Variants in FSD1L observed in about 807,000 individuals in gnomAD.
The protein encoded by FSD1L is fibronectin type III and SPRY domain containing 1 like.
Under a neutral mutation model 71.6 loss-of-function variants are expected in FSD1L, and 45 were observed. The ratio of observed to expected loss-of-function variants is 0.63; its 90% CI spans 0.49 to 0.81. FSD1L has a LOEUF of 0.81. FSD1L is among the 30% of genes least tolerant of loss of function. The pLI, the probability that FSD1L is intolerant of heterozygous loss-of-function variation, is 0.00. For synonymous variants in FSD1L, 197 were observed against 207.2 expected (o/e 0.95, Z 0.42); for missense variants, 561 against 618.1 (o/e 0.91, Z 0.98).
intron 10 of FSD1L, chr9:105,520,007 C>T (rs889278455): frequency 4.6e-5 from 66 of 1,428,090 alleles, no homozygotes; most frequent in Non-Finnish European, 5.2e-5. Context: ...TGCCCTGGCC[C>T]GCAAGGCTGG....
At position 105,525,021 on chromosome 9, in the gene FSD1L, C is replaced by A. The variant is rs953447032; in HGVS notation, c.1026-9472C>A. On this transcript the variant is annotated intron_variant, in intron 10 of 13. Transcript: ENST00000481272. ...GGAGGTTTATCTGCTGGCCTTGCAT[C>A]AGCCAATTCAAATGTCAGAATCATA... 69 of 1,571,874 alleles carry A rather than the reference C, an allele frequency of 4.4e-5. 1 individual carries two copies. In the Admixed American group the frequency reaches 8.8e-4, roughly 20 times the overall value.
chr9:105,542,615 G>A (rs965501961), intron 13 of FSD1L, among the ~76,000 whole-genome samples: 3 of 151,902 alleles, frequency 2.0e-5, no homozygotes, highest in Admixed American at 6.6e-5. Flanking sequence ...CACCATACCC[G>A]GCTATTTAAA....
intron 3 of FSD1L, among the ~76,000 whole-genome samples, chr9:105,464,804 C>T (rs1242530141): frequency 6.6e-6 from 1 of 150,786 alleles, no homozygotes; most frequent in Non-Finnish European, 1.5e-5. Context: ...GACACCGTCT[C>T]TACCAAAAAA....
At chr9:105,538,193 C>T (rs1836383938) in intron 12 of FSD1L, among the ~76,000 whole-genome samples, 1 of 152,136 alleles carries the variant, frequency 6.6e-6, no homozygotes, top group Non-Finnish European at 1.5e-5. Context: ...GAAGATTGTA[C>T]AGGACAATAT....
chr9:105,514,113 G>C lies in FSD1L; in HGVS notation c.1025+1177G>C, dbSNP rs115462663. Among the ~76,000 whole-genome samples, 17 of 152,268 alleles carry C rather than the reference G, an allele frequency of 1.1e-4. 1 individual carries two copies. Among genetic ancestry groups the C allele is most frequent in the African/African-American group, 3.6e-4 (15 of 41,560 alleles). Reference sequence around the variant, plus strand: ...TCAAGACAGTTCCAGAAAGATGAATGGTTTCAATTTGCATGAGTAATAATG... The same window carrying C: ...TCAAGACAGTTCCAGAAAGATGAATCGTTTCAATTTGCATGAGTAATAATG... On this transcript the variant is annotated intron_variant, in intron 10 of 13. Coordinates refer to ENST00000481272, the MANE Select transcript of FSD1L (RefSeq NM_001145313.3).
chr9:105,452,388 G>GA (rs970448108), intron 1 of FSD1L, among the ~76,000 whole-genome samples: 1 of 152,180 alleles, frequency 6.6e-6, no homozygotes, highest in Non-Finnish European at 1.5e-5. Context: ...CACTGTTAGG[G>GA]AAAATGAAGC....
chr9:105,461,159 G>A (rs1402170771), intron 1 of FSD1L, among the ~76,000 whole-genome samples: 2 of 152,116 alleles, frequency 1.3e-5, no homozygotes, highest in Admixed American at 6.5e-5. Context: ...AAATTAATAA[G>A]ATTAATAGAG....
rs117449015 is a variant in FSD1L at position 105,499,143 on chromosome 9, A to G, written c.587-7256A>G. On this transcript the variant is annotated intron_variant, in intron 7 of 13. Coordinates refer to ENST00000481272, the MANE Select transcript of FSD1L (RefSeq NM_001145313.3). ...TGGTTGAAGTAGTCTGTAGATATCAATTACATGCAGTTGATTGATGGAGTT... is the reference window on the plus strand; with the variant it reads ...TGGTTGAAGTAGTCTGTAGATATCAGTTACATGCAGTTGATTGATGGAGTT... Among the ~76,000 whole-genome samples, 1,219 of 152,298 alleles carry G rather than the reference A, an allele frequency of 8.0e-3. 11 individuals are homozygous for G. Among genetic ancestry groups the G allele is most frequent in the Middle Eastern group, 0.02 (6 of 294 alleles).
chr9:105,539,920 T>G (rs1836499642), intron 13 of FSD1L, among the ~76,000 whole-genome samples: 1 of 152,126 alleles, frequency 6.6e-6, no homozygotes, highest in African/African-American at 2.4e-5. Context: ...GGTTTCCATT[T>G]GGGGGCTATA....
upstream of FSD1L, among the ~76,000 whole-genome samples, chr9:105,446,773 C>T (rs943276643): frequency 5.4e-5 from 8 of 148,552 alleles, no homozygotes; most frequent in African/African-American, 2.0e-4. Flanking sequence ...AGAAACAGGG[C>T]CTTGCCCACT....
At chr9:105,471,867 C>T in intron 4 of FSD1L, 37 bp from the exon 5 acceptor site, 1 of 872,466 alleles carries the variant, frequency 1.1e-6, no homozygotes, top group East Asian at 3.3e-5. Context: ...TAGGAAACTT[C>T]ATTTTAATGA....
At chr9:105,528,869 T>C (rs1454371788) in intron 10 of FSD1L, among the ~76,000 whole-genome samples, 1 of 152,202 alleles carries the variant, frequency 6.6e-6, no homozygotes, top group East Asian at 1.9e-4. Flanking sequence ...AGAAAATTTT[T>C]GCAATCTATC....
At chr9:105,521,812 T>TA in intron 10 of FSD1L, 2 of 1,612,500 alleles carry the variant, frequency 1.2e-6, no homozygotes, top group Non-Finnish European at 1.7e-6. Flanking sequence ...GAACAAAACA[T>TA]ACGAGCTGGT....
rs1834200567 is a variant in FSD1L, at chr9:105,508,488, CTT to C, written c.797-126_797-125del. On this transcript the variant is annotated intron_variant, in intron 8 of 13. Coordinates refer to ENST00000481272, the MANE Select transcript of FSD1L (RefSeq NM_001145313.3). ...CACTGCGCCTGGCCCACATACCACT[CTT>C]TTAACAAATTCATACTCTTCCTGAA... 28 of 609,648 alleles carry C rather than the reference CTT, an allele frequency of 4.6e-5. 1 individual carries two copies. The highest frequency in any genetic ancestry group is 4.5e-4 in the South Asian group (27 of 60,330). 37.8% of individuals were successfully genotyped at this position (609,648 alleles called of 1,614,324 possible).
intron 13 of FSD1L, among the ~76,000 whole-genome samples, chr9:105,542,597 G>A (rs940669135): frequency 3.1e-4 from 47 of 151,996 alleles, no homozygotes; most frequent in African/African-American, 1.0e-3. Context: ...GGGATTACAG[G>A]TGCCCACCAC....
At chr9:105,456,484 T>A (rs1830364102) in intron 1 of FSD1L, among the ~76,000 whole-genome samples, 1 of 152,268 alleles carries the variant, frequency 6.6e-6, no homozygotes, top group Non-Finnish European at 1.5e-5. Context: ...ACTTGATTGA[T>A]AATGATTATA....
Position 105,461,528 on chromosome 9 carries a change from T to A in FSD1L, c.24T>A (p.Phe8Leu). 9 of 1,548,720 alleles carry A rather than the reference T, an allele frequency of 5.8e-6. No individual in the cohort carries two copies. Among genetic ancestry groups the A allele is most frequent in the Non-Finnish European group, 7.9e-6 (9 of 1,144,306 alleles). Residue 8 changes from phenylalanine (F) to leucine (L), a missense_variant, in exon 2 of 14, where the codon TTT becomes TTA. Transcript: ENST00000481272. ...GTATTTATATTGGACAGTACTGCTTTAAGGAGAATGAAAACGTTACAGTTG... is the reference window on the plus strand; with the variant it reads ...GTATTTATATTGGACAGTACTGCTTAAAGGAGAATGAAAACGTTACAGTTG... Reference protein sequence around the residue: MDSQKYCFKENENVTVDK... With the variant: MDSQKYCLKENENVTVDK...
chr9:105,482,948 A>AT (rs1832308676), intron 6 of FSD1L, among the ~76,000 whole-genome samples: 1 of 152,202 alleles, frequency 6.6e-6, no homozygotes, highest in Non-Finnish European at 1.5e-5. Flanking sequence ...TGATTCAGTG[A>AT]GCATTTAGTA....
At chr9:105,542,280 G>C (rs756057122) in intron 13 of FSD1L, among the ~76,000 whole-genome samples, 5 of 151,930 alleles carry the variant, frequency 3.3e-5, no homozygotes, top group Non-Finnish European at 7.4e-5. Context: ...CAGATTTTTT[G>C]TTGTTGTTAA....
Sources: gnomAD v4.1 joint callset for allele counts (sites outside exome capture counted in the v4.1 genomes callset) on GRCh38, gnomAD v4.1.1 for gene constraint, MANE v1.5 for transcripts, NCBI Gene and HGNC (gene_info 2026-07-23, HGNC 2026-07-21) for gene names.